The following VGLL4 variants were observed in gnomAD, a reference collection of about 807,000 sequenced individuals.
The protein encoded by VGLL4 is transcription cofactor vestigial-like protein 4.
Under a neutral mutation model 21.0 loss-of-function variants are expected in VGLL4, and 7 were observed. The observed-to-expected ratio is 0.33, with a 90% confidence interval of 0.19 to 0.63. VGLL4 has a LOEUF of 0.63. Among genes scored for constraint, VGLL4 ranks in the 20% least tolerant of loss-of-function variants. The pLI, the probability that VGLL4 is intolerant of heterozygous loss-of-function variation, is 0.78. For missense variants in VGLL4, 394 were observed against 425.7 expected, an observed-to-expected ratio of 0.93 and a Z score of 0.66; for synonymous variants, 222 against 173.2, an observed-to-expected ratio of 1.28 and a Z score of -2.21.
intron 1 of VGLL4, among the ~76,000 whole-genome samples, chr3:11,629,674 G>A (rs143833287): frequency 8.6e-5 from 13 of 151,620 alleles, no homozygotes; most frequent in African/African-American, 2.7e-4. Flanking sequence ...TTGAACCCGG[G>A]AGGCAGAGGC....
intron 2 of VGLL4, among the ~76,000 whole-genome samples, chr3:11,673,325 A>G (rs2076243343): frequency 6.6e-6 from 1 of 152,194 alleles, no homozygotes; most frequent in South Asian, 2.1e-4. Context: ...GTTCTAGAAA[A>G]CAAAAAACAC....
At chr3:11,637,913 A>T (rs763696880) in intron 1 of VGLL4, among the ~76,000 whole-genome samples, 5 of 152,252 alleles carry the variant, frequency 3.3e-5, no homozygotes, top group African/African-American at 1.2e-4. Context: ...CTTAAAAAAC[A>T]GTTGCCATGA....
At chr3:11,633,876 G>C (rs1446903911) in intron 1 of VGLL4, among the ~76,000 whole-genome samples, 1 of 152,150 alleles carries the variant, frequency 6.6e-6, no homozygotes, top group Non-Finnish European at 1.5e-5. Flanking sequence ...AGGCTGAAGA[G>C]GTAAGCCGGA....
intron 1 of VGLL4, among the ~76,000 whole-genome samples, chr3:11,616,316 A>C (rs990383895): frequency 6.6e-6 from 1 of 151,996 alleles, no homozygotes; most frequent in African/African-American, 2.4e-5. Flanking sequence ...CTTGGTCTTC[A>C]GTGTCTGAAA....
intron 2 of VGLL4, among the ~76,000 whole-genome samples, chr3:11,574,831 GTGTGTGTA>G (rs1387017304): frequency 4.3e-5 from 6 of 140,750 alleles, no homozygotes; most frequent in Non-Finnish European, 9.2e-5. Context: ...GTGTGTGTGT[GTGTGTGTA>G]TTTTAAAAGC....
At chr3:11,698,754 C>T (rs1161666495) in intron 2 of VGLL4, among the ~76,000 whole-genome samples, 1 of 152,176 alleles carries the variant, frequency 6.6e-6, no homozygotes, top group Non-Finnish European at 1.5e-5. Context: ...TACAAAACCA[C>T]CATTTTACTA....
At chr3:11,632,495 C>T (rs543257871) in intron 1 of VGLL4, among the ~76,000 whole-genome samples, 1 of 152,010 alleles carries the variant, frequency 6.6e-6, no homozygotes, top group South Asian at 2.1e-4. Flanking sequence ...CTGACTCTGG[C>T]CATAGTTAAC....
At chr3:11,672,914 A>G (rs1477914073) in intron 2 of VGLL4, among the ~76,000 whole-genome samples, 1 of 152,212 alleles carries the variant, frequency 6.6e-6, no homozygotes. Flanking sequence ...TGAACTCTCT[A>G]TCATATTTGA....
At chr3:11,655,949 G>A (rs990912862) in intron 2 of VGLL4, among the ~76,000 whole-genome samples, 1 of 152,168 alleles carries the variant, frequency 6.6e-6, no homozygotes, top group Non-Finnish European at 1.5e-5. Flanking sequence ...AACATTTCTT[G>A]AAAGAACAAA....
chr3:11,595,108 C>G (rs533591197), intron 2 of VGLL4, among the ~76,000 whole-genome samples: 1 of 152,272 alleles, frequency 6.6e-6, no homozygotes, highest in Non-Finnish European at 1.5e-5. Context: ...TTGTGGTGAG[C>G]CGAGATTGCC....
chr3:11,672,699 G>T (rs1191292325), intron 2 of VGLL4, among the ~76,000 whole-genome samples: 3 of 152,164 alleles, frequency 2.0e-5, no homozygotes, highest in Non-Finnish European at 4.4e-5. Flanking sequence ...CGGAGAACCG[G>T]TAACTTGCTT....
intron 1 of VGLL4, among the ~76,000 whole-genome samples, chr3:11,609,134 C>G (rs965622566): frequency 6.6e-6 from 1 of 152,108 alleles, no homozygotes; most frequent in Admixed American, 6.5e-5. Flanking sequence ...TCCCAAAGTG[C>G]TGGGATTACA....
At chr3:11,712,115 G>C (rs567982637) in intron 1 of VGLL4, among the ~76,000 whole-genome samples, 18 of 151,920 alleles carry the variant, frequency 1.2e-4, no homozygotes, top group African/African-American at 4.1e-4. Flanking sequence ...TTTTCTTCTC[G>C]CACTTTACCA....
intron 1 of VGLL4, among the ~76,000 whole-genome samples, chr3:11,710,911 C>T (rs541523036): frequency 2.0e-5 from 3 of 151,466 alleles, no homozygotes; most frequent in Admixed American, 6.6e-5. Context: ...ACCAGTCTGG[C>T]CAACATGGTG....
chr3:11,628,997 T>G (rs2075418511), intron 1 of VGLL4, among the ~76,000 whole-genome samples: 1 of 152,056 alleles, frequency 6.6e-6, no homozygotes, highest in South Asian at 2.1e-4. Flanking sequence ...GAAATATCCT[T>G]AATGACCAAC....
chr3:11,614,395 T>C (rs1457522932), intron 1 of VGLL4, among the ~76,000 whole-genome samples: 1 of 152,224 alleles, frequency 6.6e-6, no homozygotes, highest in Non-Finnish European at 1.5e-5. Context: ...CTCTCTGCAG[T>C]AGGTTCCAGT....
intron 2 of VGLL4, among the ~76,000 whole-genome samples, chr3:11,666,668 A>G (rs982673433): frequency 1.3e-5 from 2 of 152,194 alleles, no homozygotes; most frequent in African/African-American, 4.8e-5. Context: ...AGACAAATGC[A>G]TATCTGGACA....
intron 2 of VGLL4, among the ~76,000 whole-genome samples, chr3:11,577,151 C>A (rs1003488066): frequency 3.3e-5 from 5 of 152,210 alleles, no homozygotes; most frequent in African/African-American, 1.2e-4. Flanking sequence ...CCAGCGCCAA[C>A]CCCCTAGAAA....
At chr3:11,638,725 C>CGCTGGG (rs2075634025) in intron 1 of VGLL4, among the ~76,000 whole-genome samples, 1 of 152,122 alleles carries the variant, frequency 6.6e-6, no homozygotes, top group Non-Finnish European at 1.5e-5. Context: ...AATGGCCCTG[C>CGCTGGG]GCTGTGGCCT....
Sources: gnomAD v4.1 joint callset for allele counts (sites outside exome capture counted in the v4.1 genomes callset) on GRCh38, gnomAD v4.1.1 for gene constraint, MANE v1.5 for transcripts, NCBI Gene and HGNC (gene_info 2026-07-23, HGNC 2026-07-21) for gene names.